Variants in ENTREP1 observed in about 807,000 individuals in gnomAD.
The protein encoded by ENTREP1 is Friedreich ataxia region gene X123.
chr9:69,324,878 A>C, the ENTREP1 span: 9 of 978,754 alleles, frequency 9.2e-6, no homozygotes, highest in Non-Finnish European at 1.1e-5. Flanking sequence ...AGACGCTGAG[A>C]CTCTCGGTGG....
chr9:69,342,398 G>A, the ENTREP1 span, among the ~76,000 whole-genome samples: 33 of 152,172 alleles, frequency 2.2e-4, no homozygotes, highest in East Asian at 9.6e-4. Context: ...TTAGCCAATC[G>A]GTAGCCATCT....
the ENTREP1 span, among the ~76,000 whole-genome samples, chr9:69,347,393 G>A: frequency 6.6e-6 from 1 of 152,170 alleles, no homozygotes. Flanking sequence ...TACCAACATG[G>A]CTGTGGCCTT....
chr9:69,329,169 A>G, the ENTREP1 span, among the ~76,000 whole-genome samples: 2 of 152,260 alleles, frequency 1.3e-5, no homozygotes, highest in Admixed American at 6.5e-5. Context: ...CTTCAAACCC[A>G]CATAGGAACA....
At chr9:69,363,325 C>A in the ENTREP1 span, among the ~76,000 whole-genome samples, 1 of 151,998 alleles carries the variant, frequency 6.6e-6, no homozygotes, top group African/African-American at 2.4e-5. Context: ...CTTAACTGGG[C>A]AAGTGATGAT....
the ENTREP1 span, among the ~76,000 whole-genome samples, chr9:69,366,384 G>GTTTTTTTTTTTTTTTTTTTTTTT: frequency 4.1e-5 from 5 of 122,992 alleles, 2 homozygotes; most frequent in Non-Finnish European, 5.2e-5. Flanking sequence ...TTCCAACTGG[G>GTTTTTTTTTTTTTTTTTTTTTTT]GTTTTTTTTT....
the ENTREP1 span, among the ~76,000 whole-genome samples, chr9:69,338,321 C>T: frequency 1.3e-5 from 2 of 152,112 alleles, no homozygotes; most frequent in Non-Finnish European, 2.9e-5. Flanking sequence ...ACAGGAATCT[C>T]CTTTGCACTG....
the ENTREP1 span, among the ~76,000 whole-genome samples, chr9:69,340,608 TGTGCATGTGTGTGTGCATGTGTGTGTGC>T: frequency 2.0e-5 from 3 of 147,124 alleles, no homozygotes; most frequent in Admixed American, 6.8e-5. Flanking sequence ...CATGTGTGTG[TGTGCATGTGTGTGTGCATGTGTGTGTGC>T]GTGCATGTGT....
the ENTREP1 span, among the ~76,000 whole-genome samples, chr9:69,352,875 C>T: frequency 6.6e-6 from 1 of 152,178 alleles, no homozygotes; most frequent in African/African-American, 2.4e-5. Flanking sequence ...GTGGCCCATG[C>T]TTGTAATCCT....
At chr9:69,391,926 T>A in the ENTREP1 span, 1 of 965,106 alleles carries the variant, frequency 1.0e-6, no homozygotes, top group Non-Finnish European at 1.6e-6. Flanking sequence ...TTTTCCCACC[T>A]GTTGGCTCCC....
the ENTREP1 span, among the ~76,000 whole-genome samples, chr9:69,334,030 C>G: frequency 6.6e-6 from 1 of 152,226 alleles, no homozygotes; most frequent in African/African-American, 2.4e-5. Flanking sequence ...CCTTCCCTTA[C>G]AGCATTTCTA....
At chr9:69,325,209 G>C in the ENTREP1 span, 2 of 1,027,270 alleles carry the variant, frequency 1.9e-6, no homozygotes. Context: ...CTCGGAGCCC[G>C]TCTGCAGTGC....
At chr9:69,325,156 G>C in the ENTREP1 span, 1 of 1,038,976 alleles carries the variant, frequency 9.6e-7, no homozygotes, top group Non-Finnish European at 1.2e-6. Context: ...AGCGGCGGCA[G>C]CAAGTGGTTG....
the ENTREP1 span, among the ~76,000 whole-genome samples, chr9:69,357,016 G>A: frequency 6.7e-6 from 1 of 150,364 alleles, no homozygotes; most frequent in Non-Finnish European, 1.5e-5. Flanking sequence ...CCAGTGCTTT[G>A]GGAGGCTGAG....
At chr9:69,355,083 C>T in the ENTREP1 span, among the ~76,000 whole-genome samples, 1 of 152,160 alleles carries the variant, frequency 6.6e-6, no homozygotes, top group African/African-American at 2.4e-5. Context: ...TCACTTATGG[C>T]ATTTCATTAT....
At chr9:69,388,218 C>A in the ENTREP1 span, 1 of 1,614,050 alleles carries the variant, frequency 6.2e-7, no homozygotes, top group Admixed American at 1.7e-5. Context: ...GATCTGGCTG[C>A]AGTGACTCTG....
chr9:69,368,195 T>G, the ENTREP1 span, among the ~76,000 whole-genome samples: 1 of 152,110 alleles, frequency 6.6e-6, no homozygotes, highest in Non-Finnish European at 1.5e-5. Flanking sequence ...TTTCTTTCTC[T>G]TTCCCGATTG....
chr9:69,326,435 C>A, the ENTREP1 span, among the ~76,000 whole-genome samples: 1 of 152,248 alleles, frequency 6.6e-6, no homozygotes, highest in African/African-American at 2.4e-5. Context: ...TCCTGGAGTG[C>A]CCAGCAGCTA....
the ENTREP1 span, chr9:69,325,787 C>G: frequency 8.2e-7 from 1 of 1,212,718 alleles, no homozygotes. Flanking sequence ...CTGGTCGTTC[C>G]TCTCCATTGC....
the ENTREP1 span, among the ~76,000 whole-genome samples, chr9:69,348,614 C>T: frequency 6.6e-6 from 1 of 152,206 alleles, no homozygotes; most frequent in East Asian, 1.9e-4. Context: ...CTCTCAATAC[C>T]TTCAGCCTCA....
Sources: gnomAD v4.1 joint callset for allele counts (sites outside exome capture counted in the v4.1 genomes callset) on GRCh38, gnomAD v4.1.1 for gene constraint, MANE v1.5 for transcripts, NCBI Gene and HGNC (gene_info 2026-07-23, HGNC 2026-07-21) for gene names.